Variants in TDRD12 observed in about 807,000 individuals in gnomAD.
TDRD12 encodes the protein putative ATP-dependent RNA helicase TDRD12.
TDRD12 carries 158 observed loss-of-function variants against 133.5 expected under a neutral mutation model. The ratio of observed to expected loss-of-function variants is 1.18; its 90% CI spans 1.04 to 1.35. The LOEUF (loss-of-function observed/expected upper bound fraction) is 1.35, where lower values mean the gene tolerates loss of function less well. Among genes scored for constraint, TDRD12 ranks in the 40% most tolerant of loss-of-function variants. The pLI is 0.00. For synonymous variants in TDRD12, 460 were observed against 477.9 expected, an observed-to-expected ratio of 0.96 and a Z score of 0.49; for missense variants, 1,443 against 1,321.3, an observed-to-expected ratio of 1.09 and a Z score of -1.43.
exon 17 of TDRD12, chr19:32,800,230 C>G (rs749350244): frequency 3.3e-6 from 5 of 1,533,476 alleles, no homozygotes; most frequent in Non-Finnish European, 4.4e-6. Context: ...ATCTGCACCA[C>G]ATCAGATTGT....
chr19:32,751,700 T>C (rs1357814671), intron 6 of TDRD12, among the ~76,000 whole-genome samples: 3 of 151,168 alleles, frequency 2.0e-5, no homozygotes, highest in African/African-American at 7.3e-5. Flanking sequence ...CCACCTCAAC[T>C]TCACAAGTAG....
chr19:32,732,044 C>T (rs568945031), intron 2 of TDRD12, among the ~76,000 whole-genome samples, 161 bp downstream of exon 2: 1 of 152,196 alleles, frequency 6.6e-6, no homozygotes, highest in South Asian at 2.1e-4. Context: ...CGCTCTGTCA[C>T]ATAGGCTGGA....
At chr19:32,788,698 T>C (rs1390895007) in intron 11 of TDRD12, among the ~76,000 whole-genome samples, 1 of 152,162 alleles carries the variant, frequency 6.6e-6, no homozygotes, top group Non-Finnish European at 1.5e-5. Context: ...TTAGATGTCA[T>C]GCAGTCCTTG....
intron 8 of TDRD12, among the ~76,000 whole-genome samples, chr19:32,765,773 A>T (rs1359562771): frequency 6.6e-6 from 1 of 151,986 alleles, no homozygotes; most frequent in South Asian, 2.1e-4. Context: ...TAACATTAGG[A>T]GATATACCTA....
chr19:32,800,095 C>T (rs938026429), intron 16 of TDRD12, 72 bp from the exon 17 acceptor site: 5 of 898,314 alleles, frequency 5.6e-6, no homozygotes, highest in African/African-American at 5.1e-5. Flanking sequence ...CAAACCCTTA[C>T]ATTTTATGTT....
At chr19:32,785,447 G>T (rs1293490390) in intron 11 of TDRD12, among the ~76,000 whole-genome samples, 2 of 152,200 alleles carry the variant, frequency 1.3e-5, no homozygotes, top group Admixed American at 6.5e-5. Context: ...TTGATTTGGT[G>T]TGGAGAGTTC....
At chr19:32,747,418 C>T (rs1969684629) in intron 4 of TDRD12, among the ~76,000 whole-genome samples, 1 of 152,020 alleles carries the variant, frequency 6.6e-6, no homozygotes, top group South Asian at 2.1e-4. Flanking sequence ...TGATTATGTC[C>T]AGGCACTGGG....
intron 14 of TDRD12, among the ~76,000 whole-genome samples, chr19:32,796,981 CTT>C (rs1157185010): frequency 1.6e-4 from 22 of 135,238 alleles, no homozygotes; most frequent in Non-Finnish European, 1.6e-4. Context: ...AGAGGTTCGT[CTT>C]TTTTTTTTTT....
intron 19 of TDRD12, among the ~76,000 whole-genome samples, chr19:32,802,175 CATATATATGATAGTG>C (rs1014705302): frequency 1.7e-4 from 23 of 138,214 alleles, no homozygotes; most frequent in East Asian, 8.1e-4. Context: ...TAATATATAT[CATATATATGATAGTG>C]ATATATATGA....
chr19:32,823,284 C>T (rs1967466996), downstream of TDRD12, among the ~76,000 whole-genome samples: 1 of 152,198 alleles, frequency 6.6e-6, no homozygotes, highest in Admixed American at 6.5e-5. Flanking sequence ...CGAAGGCAGC[C>T]TTGCCCACTG....
At chr19:32,743,679 G>A (rs1001310827) in intron 4 of TDRD12, among the ~76,000 whole-genome samples, 1 of 152,012 alleles carries the variant, frequency 6.6e-6, no homozygotes, top group Admixed American at 6.6e-5. Flanking sequence ...ACTTATCTAT[G>A]TGGAGCTTTT....
At chr19:32,802,673 G>A (rs1173219924) in exon 20 of TDRD12, 119 of 1,536,162 alleles carry the variant, frequency 7.7e-5, no homozygotes, top group Middle Eastern at 3.4e-4. Context: ...AGACGACTGC[G>A]TCCCACTCTT....
chr19:32,740,880 T>C (rs977708), intron 3 of TDRD12, among the ~76,000 whole-genome samples: 89,188 of 151,992 alleles, frequency 0.59, 27,049 homozygotes, highest in East Asian at 0.82. Flanking sequence ...TGCTGTGCAG[T>C]CTTCACTGCT....
At chr19:32,755,053 T>C (rs533478470) in intron 6 of TDRD12, among the ~76,000 whole-genome samples, 1 of 152,236 alleles carries the variant, frequency 6.6e-6, no homozygotes, top group Non-Finnish European at 1.5e-5. Flanking sequence ...TTTTCTTTTT[T>C]GGTCTGGCTT....
At chr19:32,824,810 A>G (rs989407529), downstream of TDRD12, among the ~76,000 whole-genome samples, 9 of 149,668 alleles carry the variant, frequency 6.0e-5, no homozygotes, top group South Asian at 4.2e-4. Flanking sequence ...GCCCCTTTGG[A>G]AAAGCAGAGG....
chr19:32,795,156 G>A (rs1420218792), intron 14 of TDRD12, among the ~76,000 whole-genome samples: 6 of 152,214 alleles, frequency 3.9e-5, no homozygotes, highest in Non-Finnish European at 7.4e-5. Context: ...CCAACATGGT[G>A]AAACCCTGTC....
At chr19:32,762,817 G>A (rs979668141) in intron 8 of TDRD12, among the ~76,000 whole-genome samples, 19 of 152,122 alleles carry the variant, frequency 1.2e-4, no homozygotes, top group Non-Finnish European at 2.9e-5. Context: ...TGAGAAACAC[G>A]TCATTAGGTG....
chr19:32,825,180 C>G (rs935394452), downstream of TDRD12, among the ~76,000 whole-genome samples: 3 of 152,180 alleles, frequency 2.0e-5, no homozygotes, highest in African/African-American at 7.2e-5. The surrounding 1 kb of genome is among the most constrained non-coding windows in gnomAD (Gnocchi z 4.1). Flanking sequence ...CGATGGCAGG[C>G]GGCATGTGAC....
At chr19:32,819,310 G>A (rs1472759087) in intron 27 of TDRD12, among the ~76,000 whole-genome samples, 2 of 107,572 alleles carry the variant, frequency 1.9e-5, no homozygotes, top group African/African-American at 5.2e-5. Flanking sequence ...GCAAGACCTT[G>A]TCTCAAAAAA....
Sources: gnomAD v4.1 joint callset for allele counts (sites outside exome capture counted in the v4.1 genomes callset) on GRCh38, gnomAD v4.1.1 for gene constraint, Gnocchi (gnomAD v3.1) non-coding constraint, MANE v1.5 for transcripts, NCBI Gene and HGNC (gene_info 2026-07-23, HGNC 2026-07-21) for gene names.